NALF2: variants seen among roughly 807,000 people sequenced by gnomAD.
NALF2 encodes the protein bB57D9.1 (TED protein).
A neutral mutation model predicts 24.8 loss-of-function variants in NALF2; 1 was observed. That is an observed-to-expected ratio of 0.04 (90% CI 0.01 to 0.19). NALF2 has a LOEUF of 0.19. NALF2 is among the 10% of genes least tolerant of loss of function. The pLI is 1.00. For missense variants in NALF2, 458 were observed against 409.6 expected (o/e 1.12, Z -1.02); for synonymous variants, 254 against 189.8 (o/e 1.34, Z -2.78).
intron 1 of NALF2, among the ~76,000 whole-genome samples, chrX:69,512,353 A>T (rs939605830): frequency 2.7e-5 from 3 of 111,839 alleles, no homozygotes; most frequent in East Asian, 2.8e-4. Context: ...ATAGGTGCTT[A>T]GAGGGGAGGG....
chrX:69,525,168 A>G (rs1422749551), intron 1 of NALF2, among the ~76,000 whole-genome samples: 2 of 112,191 alleles, frequency 1.8e-5, no homozygotes, highest in East Asian at 5.6e-4. Context: ...TTACTGGGCT[A>G]ATTGCAGTTG....
intron 1 of NALF2, among the ~76,000 whole-genome samples, chrX:69,527,907 A>C (rs1037019240): frequency 3.6e-5 from 4 of 111,795 alleles, no homozygotes; most frequent in South Asian, 3.7e-4. Context: ...AGATCAGTGG[A>C]TCAGTGGTTG....
rs1930444661 is a variant in NALF2, at chrX:69,505,330, G to T, written c.48G>T (p.Leu16=). The change falls in exon 1 of 3, where the codon CTG becomes CTT. Residue 16 remains leucine (L), a synonymous_variant. Transcript: ENST00000252338. ...GGCCCGGGAAAGACGCCGCCGCGCT[G>T]ACTATCTGCTGCTGCTGCTGCTGCT... The part of the protein sequence containing the change: ...WMWPGKDAAA[L]TICCCCCCWA... 10 of 1,157,515 alleles carry T rather than the reference G, an allele frequency of 8.6e-6. No individual in the cohort carries two copies. The highest frequency in any genetic ancestry group is 1.2e-5 in the Non-Finnish European group (10 of 868,664).
intron 1 of NALF2, among the ~76,000 whole-genome samples, chrX:69,527,794 C>T (rs1930828626): frequency 9.0e-6 from 1 of 111,096 alleles, no homozygotes; most frequent in African/African-American, 3.3e-5. Flanking sequence ...CAGATGCTGA[C>T]TTGGCAGGTC....
At chrX:69,515,675 A>G (rs1325336210) in intron 1 of NALF2, among the ~76,000 whole-genome samples, 3 of 111,686 alleles carry the variant, frequency 2.7e-5, no homozygotes, top group East Asian at 5.6e-4. Context: ...TTATCTTTTC[A>G]TGTTTTGTGT....
rs751542420 is a variant in NALF2, at chrX:69,505,972, C to T, written c.690C>T (p.Ala230=). 6.6e-6 allele frequency: 8 copies of T among 1,210,083 alleles called. No individual in the cohort carries two copies. The highest frequency in any genetic ancestry group is 3.5e-5 in the South Asian group (2 of 56,781). ...SLDTLMGDLL[A]VVASPGSGAW... is the part of the protein sequence containing the mutation. ...ACACCCTGATGGGGGACCTGCTGGC[C>T]GTGGTGGCCAGCCCGGGCTCCGGGG... Residue 230 remains alanine (A), a synonymous_variant, in exon 1 of 3, where the codon GCC becomes GCT. Transcript: ENST00000252338.
At chrX:69,528,686 C>T (rs1930844830) in intron 1 of NALF2, among the ~76,000 whole-genome samples, 1 of 112,222 alleles carries the variant, frequency 8.9e-6, no homozygotes, top group Non-Finnish European at 1.9e-5. Flanking sequence ...GACAGGGTTG[C>T]ATGGAATGAT....
In NALF2 at chrX:69,505,836, A is replaced by G. The variant is rs753427791; in HGVS notation, c.554A>G (p.Asn185Ser). ...GCCGAGTTCCCCTCCGCCAAAAAAAACTTGCTCAAAGGCCACTTTCGGAAC... is the reference window on the plus strand; with the variant it reads ...GCCGAGTTCCCCTCCGCCAAAAAAAGCTTGCTCAAAGGCCACTTTCGGAAC... Reference protein sequence around the residue: ...APAEFPSAKKNLLKGHFRNFT... With the variant: ...APAEFPSAKKSLLKGHFRNFT... Residue 185 changes from asparagine (N) to serine (S), a missense_variant, in exon 1 of 3, where the codon AAC becomes AGC. Asn to Ser is a conservative substitution (Grantham distance 46). Coordinates refer to ENST00000252338, the MANE Select transcript of NALF2 (RefSeq NM_015686.3). 8.3e-7 allele frequency: 1 copy of G among 1,210,916 alleles called. No individual in the cohort carries two copies. The highest frequency in any genetic ancestry group is 2.2e-5 in the Admixed American group (1 of 46,066).
At chrX:69,519,018 A>G (rs1930699840) in intron 1 of NALF2, among the ~76,000 whole-genome samples, 1 of 112,416 alleles carries the variant, frequency 8.9e-6, no homozygotes, top group African/African-American at 3.2e-5. Flanking sequence ...GATTTTAACA[A>G]TATTCCATGT....
At chrX:69,506,180 G>C (rs1176882885) in intron 1 of NALF2, 37 bp downstream of exon 1, 4 of 1,179,065 alleles carry the variant, frequency 3.4e-6, no homozygotes, top group Non-Finnish European at 4.5e-6. Flanking sequence ...CAGCCGCCCT[G>C]GGCAGCGGCA....
chrX:69,527,802 G>T (rs12116358), intron 1 of NALF2, among the ~76,000 whole-genome samples: 1 of 109,549 alleles, frequency 9.1e-6, no homozygotes, highest in African/African-American at 3.3e-5. Context: ...GACTTGGCAG[G>T]TCGGGGGTGG....
Position 69,506,230 on chromosome X carries a change from T to G in NALF2, c.861+87T>G, listed in dbSNP as rs1195102300. On this transcript the variant is annotated intron_variant, in intron 1 of 2. Transcript: ENST00000252338. Reference sequence around the variant, plus strand: ...ACCGGGAGAAAAAAGGAAGTCTCCCTTTCTACCCACCCCACCACTCCCACC... The same window carrying G: ...ACCGGGAGAAAAAAGGAAGTCTCCCGTTCTACCCACCCCACCACTCCCACC... The G allele has an allele frequency of 3.0e-6, 3 of 1,014,917 alleles. No homozygotes were observed. The African/African-American group carries it at 5.8e-5, about 19-fold the overall frequency. 83.6% of individuals were successfully genotyped at this position (1,014,917 alleles called of 1,213,427 possible). A position where few individuals can be genotyped will look rare whatever the true frequency, so the allele number is the denominator to read the frequency against.
At chrX:69,528,086 T>C (rs2084404473) in intron 1 of NALF2, among the ~76,000 whole-genome samples, 1 of 110,793 alleles carries the variant, frequency 9.0e-6, no homozygotes, top group Non-Finnish European at 1.9e-5. Flanking sequence ...TGCAGTATCC[T>C]GCAGTGTACA....
intron 1 of NALF2, among the ~76,000 whole-genome samples, chrX:69,520,419 T>A (rs1930717831): frequency 8.9e-6 from 1 of 111,779 alleles, no homozygotes. Context: ...AAGTGACTCA[T>A]GTCACCTCAA....
At position 69,504,716 on chromosome X, in the gene NALF2, T is replaced by C. The variant is rs1372068591; in HGVS notation, c.-567T>C. On this transcript the variant is annotated 5_prime_UTR_variant, in exon 1 of 3. Coordinates refer to ENST00000252338, the MANE Select transcript of NALF2 (RefSeq NM_015686.3). ...CCGGCAACGGACCGGCCGGCCGGCC[T>C]AGGAGGGCGCGAGCGAGGCAGGGAG... 9.1e-6 allele frequency among the ~76,000 whole-genome samples: 1 copy of C among 109,816 alleles called. No homozygotes were observed. The highest frequency in any genetic ancestry group is 3.3e-5 in the African/African-American group (1 of 30,443).
intron 1 of NALF2, among the ~76,000 whole-genome samples, chrX:69,524,357 G>T (rs1602197334): frequency 9.0e-6 from 1 of 111,156 alleles, no homozygotes; most frequent in South Asian, 3.9e-4. Context: ...CTCCCAAAGT[G>T]CTGGGATTAC....
intron 1 of NALF2, among the ~76,000 whole-genome samples, chrX:69,517,444 T>G (rs1930678345): frequency 8.9e-6 from 1 of 112,151 alleles, no homozygotes; most frequent in South Asian, 3.8e-4. Context: ...GGGATAGTTG[T>G]GAGGTCTCAG....
chrX:69,515,096 C>T (rs1173651852), intron 1 of NALF2, among the ~76,000 whole-genome samples: 1 of 112,231 alleles, frequency 8.9e-6, no homozygotes, highest in Non-Finnish European at 1.9e-5. Flanking sequence ...AATGCTATCT[C>T]AGTCATTTTT....
intron 1 of NALF2, among the ~76,000 whole-genome samples, chrX:69,524,644 C>CCT (rs140563275): frequency 2.7e-5 from 3 of 109,709 alleles, no homozygotes; most frequent in Admixed American, 9.7e-5. Flanking sequence ...CAACCTCCCC[C>CCT]GTCAACCCCT....
Sources: allele counts gnomAD v4.1 joint callset (sites outside exome capture counted in the v4.1 genomes callset), GRCh38; gene constraint gnomAD v4.1.1; transcripts MANE v1.5; gene names NCBI Gene and HGNC (gene_info 2026-07-23, HGNC 2026-07-21).